Variants in PDS5B observed in about 807,000 individuals in gnomAD.
PDS5B encodes the protein sister chromatid cohesion protein PDS5 homolog B.
PDS5B carries 51 observed loss-of-function variants against 184.1 expected under a neutral mutation model. The observed-to-expected ratio is 0.28, with a 90% CI of 0.22 to 0.35. The LOEUF is 0.35. Ranked by LOEUF, PDS5B falls within the 10% of genes least tolerant of loss-of-function variation. The pLI, the probability that PDS5B is intolerant of heterozygous loss-of-function variation, is 1.00. For missense variants in PDS5B, 1,180 were observed against 1,723.3 expected (o/e 0.68, Z 5.58); for synonymous variants, 566 against 569.2 (o/e 0.99, Z 0.08).
intron 1 of PDS5B, among the ~76,000 whole-genome samples, chr13:32,609,096 T>C (rs1566244049): frequency 6.6e-6 from 1 of 152,174 alleles, no homozygotes; most frequent in African/African-American, 2.4e-5. Context: ...TTTAATCATA[T>C]TTAATTTGCA....
chr13:32,591,661 A>G (rs1184651284), intron 1 of PDS5B, among the ~76,000 whole-genome samples: 1 of 152,194 alleles, frequency 6.6e-6, no homozygotes, highest in African/African-American at 2.4e-5. Context: ...TATATTGCCA[A>G]TTTGATATAT....
At chr13:32,650,347 A>G (rs1370553138) in intron 2 of PDS5B, 1 of 152,158 alleles carries the variant, frequency 6.6e-6, no homozygotes, top group African/African-American at 2.4e-5. Context: ...TTCCTAATTT[A>G]TAGTTCCATT....
intron 21 of PDS5B, among the ~76,000 whole-genome samples, chr13:32,740,599 ACC>A (rs1953504626): frequency 6.6e-6 from 1 of 152,116 alleles, no homozygotes; most frequent in Non-Finnish European, 1.5e-5. Flanking sequence ...TACTGTAAAC[ACC>A]TACCTGCTAG....
intron 1 of PDS5B, among the ~76,000 whole-genome samples, chr13:32,638,545 T>C (rs1268530772): frequency 6.6e-6 from 1 of 152,178 alleles, no homozygotes; most frequent in Admixed American, 6.5e-5. Context: ...GAGAGGACAA[T>C]ACCTGAGGCA....
At chr13:32,750,551 C>T (rs536516925) in intron 24 of PDS5B, among the ~76,000 whole-genome samples, 7 of 151,936 alleles carry the variant, frequency 4.6e-5, no homozygotes, top group Non-Finnish European at 7.4e-5. Flanking sequence ...ATTCCCCCCT[C>T]CTCCCCCCAA....
At position 32,770,191 on chromosome 13, in the gene PDS5B, A is replaced by G; in HGVS notation, c.3695A>G (p.Asp1232Gly). 6.2e-7 allele frequency: 1 copy of G among 1,614,056 alleles called. No homozygotes were observed. The highest frequency in any genetic ancestry group is 8.5e-7 in the Non-Finnish European group (1 of 1,179,994). ...GAACAGGAGGAGAAATTAGGTATGG[A>G]TGACTTGACTAAGTTGGTACAGGAA... is the stretch of plus-strand genomic sequence containing the variant. ...VTEQEEKLGMDDLTKLVQEQK... is the reference protein window; with the variant it reads ...VTEQEEKLGMGDLTKLVQEQK... Residue 1232 changes from aspartate (D) to glycine (G), a missense_variant, in exon 32 of 35, where the codon GAT (aspartate) becomes GGT (glycine). Physicochemically the swap from Asp to Gly is moderately conservative, Grantham distance 94. This residue lies in a region of PDS5B where 465 missense variants were observed against 497.8 expected (regional missense o/e 0.93). Coordinates refer to ENST00000315596, the MANE Select transcript of PDS5B (RefSeq NM_015032.4).
intron 6 of PDS5B, among the ~76,000 whole-genome samples, chr13:32,666,832 T>C (rs949671024): frequency 6.6e-6 from 1 of 152,136 alleles, no homozygotes; most frequent in African/African-American, 2.4e-5. Flanking sequence ...GTTTAGTCCA[T>C]AGAATCTATG....
intron 1 of PDS5B, among the ~76,000 whole-genome samples, chr13:32,630,384 G>T (rs1021237997): frequency 2.0e-5 from 3 of 152,178 alleles, no homozygotes; most frequent in African/African-American, 7.2e-5. Flanking sequence ...CACAACTGGG[G>T]ATGGTGATGG....
intron 1 of PDS5B, among the ~76,000 whole-genome samples, chr13:32,600,792 A>G (rs563696653): frequency 1.3e-5 from 2 of 152,298 alleles, no homozygotes; most frequent in East Asian, 1.9e-4. Context: ...CACTTGTCCA[A>G]ACTTAAAGCT....
intron 26 of PDS5B, 85 bp downstream of exon 26, chr13:32,756,041 AGTTT>A (rs1184650666): frequency 1.0e-5 from 7 of 696,070 alleles, no homozygotes; most frequent in Non-Finnish European, 1.8e-5. Context: ...AATTATAATT[AGTTT>A]ATTGATGTAT....
intron 1 of PDS5B, among the ~76,000 whole-genome samples, chr13:32,607,128 A>C (rs1458009927): frequency 6.6e-6 from 1 of 152,218 alleles, no homozygotes; most frequent in Non-Finnish European, 1.5e-5. Context: ...TTGGAGGAGA[A>C]GAGGTGCTCT....
At position 32,608,295 on chromosome 13, in the gene PDS5B, G is replaced by A. The variant is rs552292066; in HGVS notation, c.-20+21702G>A. Among the ~76,000 whole-genome samples, 17 of 152,206 alleles carry A rather than the reference G, an allele frequency of 1.1e-4. No individual in the cohort carries two copies. In the South Asian group the frequency reaches 3.5e-3, roughly 32 times the overall value. ...TTCTCTACCTGATATAACCCCAACTGACTTTTAAAAAGTTGCAAAAATTTA... is the reference window on the plus strand; with the variant it reads ...TTCTCTACCTGATATAACCCCAACTAACTTTTAAAAAGTTGCAAAAATTTA... On this transcript the variant is annotated intron_variant, in intron 1 of 34. Coordinates refer to ENST00000315596, the MANE Select transcript of PDS5B (RefSeq NM_015032.4).
intron 20 of PDS5B, among the ~76,000 whole-genome samples, chr13:32,734,544 A>G (rs1240524200): frequency 6.6e-6 from 1 of 152,170 alleles, no homozygotes; most frequent in African/African-American, 2.4e-5. Context: ...TTGCTTCTGA[A>G]AAGTCTAGTG....
intron 1 of PDS5B, among the ~76,000 whole-genome samples, chr13:32,599,638 G>A (rs968980468): frequency 1.3e-4 from 19 of 151,900 alleles, no homozygotes; most frequent in African/African-American, 4.4e-4. Context: ...ATACCGGCCG[G>A]GCGCGGTGAC....
intron 10 of PDS5B, 151 bp from the exon 11 acceptor site, chr13:32,683,727 T>C (rs1201620037): frequency 3.7e-6 from 2 of 538,716 alleles, no homozygotes; most frequent in Non-Finnish European, 6.4e-6. Flanking sequence ...TAATCTTCTT[T>C]CTTCCTTCCC....
chr13:32,604,200 T>C (rs542134818), intron 1 of PDS5B, among the ~76,000 whole-genome samples: 13 of 152,230 alleles, frequency 8.5e-5, no homozygotes, highest in Non-Finnish European at 1.6e-4. Flanking sequence ...CAGTATGATA[T>C]TGGCTGTGGG....
At chr13:32,630,375 AC>A (rs1408454399) in intron 1 of PDS5B, among the ~76,000 whole-genome samples, 1 of 152,138 alleles carries the variant, frequency 6.6e-6, no homozygotes, top group Non-Finnish European at 1.5e-5. Flanking sequence ...TTTGGTTGTC[AC>A]AACTGGGGAT....
rs191760777 is a variant in PDS5B at position 32,705,037 on chromosome 13, G to A, written c.1857-1897G>A. Among the ~76,000 whole-genome samples, 3 of 152,042 alleles carry A rather than the reference G, an allele frequency of 2.0e-5. No individual in the cohort carries two copies. In the East Asian group the frequency reaches 5.8e-4, roughly 29 times the overall value. ...GGTAGGTGCTTTCCCATAGATTTTC[G>A]TATACCTGGCTGTTAGTAGTTCAGT... On this transcript the variant is annotated intron_variant, in intron 17 of 34. Transcript: ENST00000315596.
At chr13:32,745,176 AT>A (rs1566402110) in intron 23 of PDS5B, among the ~76,000 whole-genome samples, 52 of 152,280 alleles carry the variant, frequency 3.4e-4, no homozygotes, top group African/African-American at 1.2e-3. Context: ...AGGAATAGTA[AT>A]GTTTTCCTCA....
Sources: allele counts gnomAD v4.1 joint callset (sites outside exome capture counted in the v4.1 genomes callset), GRCh38; gene constraint gnomAD v4.1.1; regional missense constraint gnomAD v4.1.1; transcripts MANE v1.5; gene names NCBI Gene and HGNC (gene_info 2026-07-23, HGNC 2026-07-21).